Variants in SEMA3A observed in about 807,000 individuals in gnomAD.
SEMA3A encodes the protein semaphorin-3A.
A neutral mutation model predicts 97.9 loss-of-function variants in SEMA3A; 29 were observed. The observed-to-expected ratio is 0.30, with a 90% CI of 0.22 to 0.40. SEMA3A has a LOEUF of 0.40. SEMA3A is among the 10% of genes least tolerant of loss of function. SEMA3A has a pLI of 1.00. For missense variants in SEMA3A, 763 were observed against 951.3 expected (o/e 0.80, Z 2.60); for synonymous variants, 321 against 323.7 (o/e 0.99, Z 0.09).
intron 14 of SEMA3A, among the ~76,000 whole-genome samples, chr7:83,981,004 T>TATTA (rs1428602658): frequency 6.6e-6 from 1 of 152,120 alleles, no homozygotes; most frequent in African/African-American, 2.4e-5. Flanking sequence ...TAAATTGCCT[T>TATTA]ATTAAAGTTT....
chr7:84,305,622 A>G (rs1287607891), intron 3 of SEMA3A, among the ~76,000 whole-genome samples: 2 of 151,984 alleles, frequency 1.3e-5, no homozygotes, highest in Non-Finnish European at 2.9e-5. Flanking sequence ...TTAAAAGACA[A>G]TGGTGGCAAT....
chr7:84,148,290 T>C (rs1004135301), intron 1 of SEMA3A, among the ~76,000 whole-genome samples: 8 of 152,108 alleles, frequency 5.3e-5, no homozygotes, highest in Admixed American at 2.6e-4. Context: ...CATTCCTAGC[T>C]ATGTCCTGCA....
At chr7:84,064,069 G>T (rs574332362) in intron 4 of SEMA3A, among the ~76,000 whole-genome samples, 23 of 152,246 alleles carry the variant, frequency 1.5e-4, no homozygotes, top group African/African-American at 2.9e-4. Context: ...ACAGCTGATC[G>T]CTCAGCAGAA....
intron 3 of SEMA3A, among the ~76,000 whole-genome samples, chr7:84,241,280 T>A (rs1562867465): frequency 6.6e-6 from 1 of 152,210 alleles, no homozygotes; most frequent in Non-Finnish European, 1.5e-5. Context: ...GTTTCCTGAC[T>A]TTTTAATAAT....
At chr7:84,270,585 TATAA>T (rs750792860) in intron 3 of SEMA3A, among the ~76,000 whole-genome samples, 6 of 147,738 alleles carry the variant, frequency 4.1e-5, no homozygotes, top group East Asian at 1.9e-4. Context: ...TTCATAAATA[TATAA>T]ATAATTATTT....
chr7:83,972,666 A>C (rs1034331421), intron 15 of SEMA3A, among the ~76,000 whole-genome samples: 1 of 152,124 alleles, frequency 6.6e-6, no homozygotes, highest in Non-Finnish European at 1.5e-5. Flanking sequence ...TGTGATCCTT[A>C]TAACTTTTGG....
At chr7:84,225,088 G>C (rs1022578298) in intron 3 of SEMA3A, among the ~76,000 whole-genome samples, 1 of 152,052 alleles carries the variant, frequency 6.6e-6, no homozygotes, top group African/African-American at 2.4e-5. Context: ...TAGTATTTTT[G>C]TGCTTCACAG....
intron 1 of SEMA3A, among the ~76,000 whole-genome samples, chr7:84,478,912 G>A (rs903692481): frequency 2.6e-5 from 4 of 151,920 alleles, no homozygotes; most frequent in South Asian, 2.1e-4. Context: ...GATATGACAC[G>A]CCTGTGATTA....
At chr7:84,017,948 G>A (rs557069577) in intron 6 of SEMA3A, among the ~76,000 whole-genome samples, 27 of 151,912 alleles carry the variant, frequency 1.8e-4, no homozygotes, top group African/African-American at 5.1e-4. Context: ...TTTAAGCAAG[G>A]GTTTAAAACC....
intron 2 of SEMA3A, among the ~76,000 whole-genome samples, chr7:84,308,506 A>C (rs1207791501): frequency 6.6e-6 from 1 of 152,154 alleles, no homozygotes; most frequent in Non-Finnish European, 1.5e-5. Context: ...GAGAAACTAG[A>C]ATTTTTGAAG....
At chr7:83,980,623 A>AATATATATATAT (rs1554383378) in intron 14 of SEMA3A, among the ~76,000 whole-genome samples, 13 of 71,756 alleles carry the variant, frequency 1.8e-4, no homozygotes, top group African/African-American at 1.0e-3. Context: ...AAAAAAAAAA[A>AATATATATATAT]ATATATATAT....
intron 4 of SEMA3A, among the ~76,000 whole-genome samples, chr7:84,083,878 C>T (rs772509195): frequency 1.3e-5 from 2 of 152,060 alleles, no homozygotes; most frequent in African/African-American, 2.4e-5. Flanking sequence ...TGGCTCTTTC[C>T]GTGATAACCT....
At chr7:84,339,282 T>C (rs1802108221) in intron 2 of SEMA3A, among the ~76,000 whole-genome samples, 1 of 152,176 alleles carries the variant, frequency 6.6e-6, no homozygotes, top group Non-Finnish European at 1.5e-5. Flanking sequence ...GAGATCAGAC[T>C]CTCTTTGCAG....
At chr7:84,364,787 A>G (rs1257740362) in intron 2 of SEMA3A, among the ~76,000 whole-genome samples, 7 of 151,350 alleles carry the variant, frequency 4.6e-5, no homozygotes, top group Admixed American at 2.0e-4. Context: ...TAAACTGTGC[A>G]GGTCAGGCAG....
chr7:84,007,203 A>G (rs1335854489), intron 10 of SEMA3A, 150 bp downstream of exon 10: 3 of 536,936 alleles, frequency 5.6e-6, no homozygotes, highest in African/African-American at 2.0e-5. Context: ...TCATTCAATC[A>G]TGGAAAATCT....
intron 6 of SEMA3A, among the ~76,000 whole-genome samples, chr7:84,035,922 G>A (rs946466494): frequency 2.6e-5 from 4 of 152,026 alleles, no homozygotes; most frequent in Non-Finnish European, 5.9e-5. Context: ...ATAATATACA[G>A]TTTTTCTGGT....
At chr7:83,998,988 T>C (rs1790330317) in intron 12 of SEMA3A, among the ~76,000 whole-genome samples, 1 of 152,146 alleles carries the variant, frequency 6.6e-6, no homozygotes, top group Non-Finnish European at 1.5e-5. Flanking sequence ...ATGATAACAA[T>C]GCTACCTTCT....
chr7:84,473,098 G>T (rs926744918), intron 1 of SEMA3A, among the ~76,000 whole-genome samples: 2 of 150,720 alleles, frequency 1.3e-5, no homozygotes, highest in Non-Finnish European at 2.9e-5. Flanking sequence ...ACATAAAATT[G>T]CTTCAGAGAA....
chr7:84,148,246 T>C (rs190045212), intron 1 of SEMA3A, among the ~76,000 whole-genome samples: 45 of 152,112 alleles, frequency 3.0e-4, no homozygotes, highest in African/African-American at 1.0e-3. Flanking sequence ...TTTTCTTTTT[T>C]TTTAAAAGAG....
Sources: gnomAD v4.1 joint callset for allele counts (sites outside exome capture counted in the v4.1 genomes callset) on GRCh38, gnomAD v4.1.1 for gene constraint, MANE v1.5 for transcripts, NCBI Gene and HGNC (gene_info 2026-07-23, HGNC 2026-07-21) for gene names.